ATXN1: variants seen among roughly 807,000 people sequenced by gnomAD.
ATXN1 encodes ataxin 1.
In ATXN1, 8 loss-of-function variants were observed where a neutral mutation model predicts 56.4. That is an observed-to-expected ratio of 0.14 (90% CI 0.08 to 0.26). The LOEUF is 0.26. ATXN1 is among the 10% of genes least tolerant of loss of function. The pLI is 1.00. For missense variants in ATXN1, 987 were observed against 1,106.5 expected (o/e 0.89, Z 1.53); for synonymous variants, 514 against 494.6 (o/e 1.04, Z -0.52).
At chr6:16,492,985 G>C (rs1165287949) in intron 5 of ATXN1, among the ~76,000 whole-genome samples, 3 of 152,000 alleles carry the variant, frequency 2.0e-5, no homozygotes, top group Non-Finnish European at 4.4e-5. Context: ...CGGTTTCCAA[G>C]TCCTACCAAT....
At chr6:16,628,985 C>T (rs1042876675) in intron 3 of ATXN1, among the ~76,000 whole-genome samples, 7 of 152,158 alleles carry the variant, frequency 4.6e-5, no homozygotes, top group African/African-American at 1.2e-4. Context: ...GGTAGATACC[C>T]AGTAATGGGA....
At chr6:16,415,399 T>C (rs1198554247) in intron 6 of ATXN1, among the ~76,000 whole-genome samples, 1 of 152,122 alleles carries the variant, frequency 6.6e-6, no homozygotes, top group Non-Finnish European at 1.5e-5. Flanking sequence ...CGGCTAATTT[T>C]TTGTATTTTT....
At chr6:16,340,225 G>C (rs1203566699) in intron 6 of ATXN1, among the ~76,000 whole-genome samples, 1 of 152,310 alleles carries the variant, frequency 6.6e-6, no homozygotes, top group East Asian at 1.9e-4. Flanking sequence ...TTATGATGGG[G>C]GCTTTGGGCC....
Position 16,300,895 on chromosome 6 carries a change from C to A in ATXN1, c.*5434G>T, listed in dbSNP as rs1237791968. The stretch of plus-strand genomic sequence containing the variant: ...TCAGCATAGGAATGAACAGTATTCT[C>A]AAATCGCAGAATACCGAGTTCCCCT... On this transcript the variant is annotated 3_prime_UTR_variant, in exon 8 of 8. Transcript: ENST00000436367. 6.6e-6 allele frequency: 1 copy of A among 152,582 alleles called. No individual in the cohort carries two copies. Among genetic ancestry groups the A allele is most frequent in the Non-Finnish European group, 1.5e-5 (1 of 68,036 alleles). 9.5% of individuals were successfully genotyped at this position (152,582 alleles called of 1,614,324 possible). A position where few individuals can be genotyped will look rare whatever the true frequency, so the allele number is the denominator to read the frequency against.
chr6:16,317,715 C>T (rs935468698), intron 7 of ATXN1, among the ~76,000 whole-genome samples: 1 of 151,052 alleles, frequency 6.6e-6, no homozygotes, highest in Non-Finnish European at 1.5e-5. Flanking sequence ...GGGGGTGGAC[C>T]GCCTCCCACC....
rs531231764 is a variant in ATXN1, at chr6:16,506,974, G to A, written c.-299+15653C>T. ...TGGATGGATGGACAGACAAATGGCC[G>A]GTGACCAAAATACATATACTCCTCC... On this transcript the variant is annotated intron_variant, in intron 5 of 7. Coordinates refer to ENST00000436367, the MANE Select transcript of ATXN1 (RefSeq NM_001128164.2). This position sits in a 1 kb window ranked among gnomAD's most constrained non-coding sequence, Gnocchi z 4.1. 1.3e-5 allele frequency among the ~76,000 whole-genome samples: 2 copies of A among 152,214 alleles called. No homozygotes were observed. The highest frequency in any genetic ancestry group is 2.4e-5 in the African/African-American group (1 of 41,530).
chr6:16,457,673 T>C (rs2113621643), intron 6 of ATXN1, among the ~76,000 whole-genome samples: 1 of 152,294 alleles, frequency 6.6e-6, no homozygotes, highest in Admixed American at 6.5e-5. Flanking sequence ...GTCCAAGCTT[T>C]CTTTTTACTG....
intron 2 of ATXN1, among the ~76,000 whole-genome samples, chr6:16,734,221 T>C (rs918213097): frequency 2.0e-5 from 3 of 152,166 alleles, no homozygotes; most frequent in African/African-American, 7.2e-5. Flanking sequence ...CTACAAAACA[T>C]AGCATGCTTT....
intron 2 of ATXN1, among the ~76,000 whole-genome samples, chr6:16,725,165 T>A (rs1211959574): frequency 2.0e-5 from 3 of 152,236 alleles, no homozygotes; most frequent in Non-Finnish European, 4.4e-5. Flanking sequence ...TATGTTAACT[T>A]CCTATGGCTT....
chr6:16,320,323 C>T (rs936134297), intron 7 of ATXN1, among the ~76,000 whole-genome samples: 3 of 152,146 alleles, frequency 2.0e-5, no homozygotes, highest in Non-Finnish European at 4.4e-5. Flanking sequence ...GGCACACTCA[C>T]ACCCACGCCA....
At chr6:16,621,482 G>A (rs1005385139) in intron 3 of ATXN1, among the ~76,000 whole-genome samples, 2 of 152,222 alleles carry the variant, frequency 1.3e-5, no homozygotes, top group African/African-American at 4.8e-5. Context: ...AACACTTTGG[G>A]AGGCCAAGGC....
chr6:16,348,496 CG>C (rs1761489583), intron 6 of ATXN1, among the ~76,000 whole-genome samples: 1 of 151,928 alleles, frequency 6.6e-6, no homozygotes, highest in African/African-American at 2.4e-5. Context: ...ATCCAGAGTT[CG>C]AGACCAGCCT....
chr6:16,601,081 A>C (rs536301549), intron 3 of ATXN1, among the ~76,000 whole-genome samples: 10 of 152,232 alleles, frequency 6.6e-5, no homozygotes, highest in Admixed American at 2.0e-4. Flanking sequence ...AAAACGAAGG[A>C]CCCCACCATC....
intron 3 of ATXN1, among the ~76,000 whole-genome samples, chr6:16,591,508 G>A (rs183007100): frequency 4.3e-4 from 65 of 152,222 alleles, no homozygotes; most frequent in African/African-American, 1.5e-3. Context: ...AGTAATATAA[G>A]GCAAAATTCT....
chr6:16,617,239 A>G (rs1276213162), intron 3 of ATXN1, among the ~76,000 whole-genome samples: 2 of 152,198 alleles, frequency 1.3e-5, no homozygotes, highest in Admixed American at 1.3e-4. Context: ...TTACTAAAAA[A>G]CTAAAGGAAA....
intron 1 of ATXN1, among the ~76,000 whole-genome samples, chr6:16,758,437 T>C (rs1187665411): frequency 2.6e-5 from 4 of 152,228 alleles, no homozygotes; most frequent in Non-Finnish European, 5.9e-5. Context: ...CCTTTCACTG[T>C]CTGGGGAGAT....
rs1222002949 is a variant in ATXN1 at position 16,300,617 on chromosome 6, C to CATG, written c.*5709_*5711dup. ...TAAAATGAGGCATTTACATTGAAAT[C>CATG]ATGTTTTTACTCCCCCCATTTAAAT... On this transcript the variant is annotated 3_prime_UTR_variant, in exon 8 of 8. Transcript: ENST00000436367. The CATG allele has an allele frequency of 5.9e-5, 9 of 152,358 alleles. No individual in the cohort carries two copies. The East Asian group carries it at 1.7e-3, about 29-fold the overall frequency. 9.4% of individuals were successfully genotyped at this position (152,358 alleles called of 1,614,324 possible). A position where few individuals can be genotyped will look rare whatever the true frequency, so the allele number is the denominator to read the frequency against.
At chr6:16,751,715 G>T (rs1363799515) in intron 2 of ATXN1, among the ~76,000 whole-genome samples, 1 of 152,174 alleles carries the variant, frequency 6.6e-6, no homozygotes, top group African/African-American at 2.4e-5. Context: ...TACAGGGTGG[G>T]TCCAAAGACC....
chr6:16,575,979 A>T (rs1561762471), intron 4 of ATXN1, among the ~76,000 whole-genome samples: 1 of 152,190 alleles, frequency 6.6e-6, no homozygotes, highest in Admixed American at 6.5e-5. Context: ...TGAATCTTCT[A>T]AACTAATTCC....
Sources: gnomAD v4.1 joint callset for allele counts (sites outside exome capture counted in the v4.1 genomes callset) on GRCh38, gnomAD v4.1.1 for gene constraint, Gnocchi (gnomAD v3.1) non-coding constraint, MANE v1.5 for transcripts, NCBI Gene and HGNC (gene_info 2026-07-23, HGNC 2026-07-21) for gene names.